BBS12: variants seen among roughly 807,000 people sequenced by gnomAD.
BBS12 encodes the protein Bardet-Biedl syndrome 12, also known as chaperonin-containing T-complex member BBS12.
BBS12 carries 5 observed loss-of-function variants against 5.6 expected under a neutral mutation model. The observed-to-expected ratio is 0.89, with a 90% CI of 0.46 to 1.86. The LOEUF (loss-of-function observed/expected upper bound fraction) is 1.86, where lower values mean the gene tolerates loss of function less well. BBS12 is among the 40% of genes most tolerant of loss of function. The pLI, the probability that BBS12 is intolerant of heterozygous loss-of-function variation, is 0.01. For missense variants in BBS12, 748 were observed against 830.4 expected (o/e 0.90, Z 1.22); for synonymous variants, 308 against 306.8 (o/e 1.00, Z -0.04).
the BBS12 span, among the ~76,000 whole-genome samples, chr4:122,710,456 T>G: frequency 1.3e-5 from 2 of 152,264 alleles, no homozygotes; most frequent in Non-Finnish European, 2.9e-5. Flanking sequence ...CAGTATTTAC[T>G]GGTCCATTGC....
chr4:122,716,992 C>T, the BBS12 span, among the ~76,000 whole-genome samples: 1 of 152,080 alleles, frequency 6.6e-6, no homozygotes, highest in Non-Finnish European at 1.5e-5. Context: ...CAAACCACAC[C>T]CTCACTCACC....
rs1278653583 is a variant in BBS12, at chr4:122,742,321, C to T, written c.429C>T (p.Ser143=). ...PVHNIFDCMD[S]TKTFSQLETF... Reference sequence around the variant, plus strand: ...ACAATATATTTGACTGTATGGACAGCACAAAAACATTTTCTCAACTTGAAA... The same window carrying T: ...ACAATATATTTGACTGTATGGACAGTACAAAAACATTTTCTCAACTTGAAA... Residue 143 remains serine, a synonymous_variant, in exon 2 of 2, where the codon AGC becomes AGT. Transcript: ENST00000314218. The T allele has an allele frequency of 1.2e-6, 2 of 1,613,910 alleles. No homozygotes were observed. Among genetic ancestry groups the T allele is most frequent in the Non-Finnish European group, 1.7e-6 (2 of 1,180,004 alleles).
the BBS12 span, among the ~76,000 whole-genome samples, chr4:122,724,994 C>T: frequency 6.6e-6 from 1 of 152,012 alleles, no homozygotes; most frequent in South Asian, 2.1e-4. Context: ...AATATCCTTT[C>T]TTTTTTTACT....
the BBS12 span, among the ~76,000 whole-genome samples, chr4:122,718,003 G>C: frequency 6.6e-6 from 1 of 152,124 alleles, no homozygotes; most frequent in Admixed American, 6.5e-5. Flanking sequence ...ATGTGATGTT[G>C]AGCTAGTCGT....
In BBS12 at chr4:122,743,917, A is replaced by T. The variant is rs777668577; in HGVS notation, c.2025A>T (p.Arg675=). The change falls in exon 2 of 2, where the codon CGA becomes CGT. Residue 675 remains arginine (R), a synonymous_variant. Transcript: ENST00000314218. ...CACCAAAGATTGAGGCGTGGCGCCG[A>T]GCATTGGATTTAGTATTGTTAGTAC... The part of the protein sequence containing the change: ...VVTPKIEAWR[R]ALDLVLLVLQ... 1 of 1,607,604 alleles carries T rather than the reference A, an allele frequency of 6.2e-7. No homozygotes were observed. The highest frequency in any genetic ancestry group is 8.5e-7 in the Non-Finnish European group (1 of 1,176,868).
the BBS12 span, among the ~76,000 whole-genome samples, chr4:122,722,638 T>G: frequency 1.3e-5 from 2 of 152,192 alleles, no homozygotes; most frequent in East Asian, 3.8e-4. Context: ...GTCCTAAAAT[T>G]TTTATATTTT....
chr4:122,725,897 C>CAAAA, the BBS12 span, among the ~76,000 whole-genome samples: 12 of 52,502 alleles, frequency 2.3e-4, no homozygotes, highest in South Asian at 9.8e-4. Flanking sequence ...GACTCTGTCT[C>CAAAA]AAAAAAAAAA....
At chr4:122,739,336 G>T (rs1446874997) in intron 1 of BBS12, among the ~76,000 whole-genome samples, 1 of 152,264 alleles carries the variant, frequency 6.6e-6, no homozygotes, top group African/African-American at 2.4e-5. Context: ...ATGTTCAGCT[G>T]TTATGGAAAA....
chr4:122,714,554 C>T, the BBS12 span, among the ~76,000 whole-genome samples: 13 of 151,920 alleles, frequency 8.6e-5, no homozygotes, highest in East Asian at 5.8e-4. Flanking sequence ...CTGAGGCGGG[C>T]GCATCACATG....
At chr4:122,715,751 CAGAA>C in the BBS12 span, among the ~76,000 whole-genome samples, 1 of 152,068 alleles carries the variant, frequency 6.6e-6, no homozygotes, top group Non-Finnish European at 1.5e-5. Flanking sequence ...AATAAAAACA[CAGAA>C]AGAAAAAATA....
At chr4:122,741,121 G>A (rs981911424) in intron 1 of BBS12, among the ~76,000 whole-genome samples, 2 of 152,096 alleles carry the variant, frequency 1.3e-5, no homozygotes, top group African/African-American at 4.8e-5. Context: ...AATGCCCTTC[G>A]TAAACCAGCT....
the BBS12 span, among the ~76,000 whole-genome samples, chr4:122,722,521 A>G: frequency 6.6e-6 from 1 of 152,190 alleles, no homozygotes; most frequent in Non-Finnish European, 1.5e-5. Flanking sequence ...GAGACTTCCA[A>G]CCCATGAACA....
the BBS12 span, among the ~76,000 whole-genome samples, chr4:122,705,342 C>T: frequency 6.6e-6 from 1 of 152,158 alleles, no homozygotes; most frequent in Non-Finnish European, 1.5e-5. Flanking sequence ...TGCGGTGGCT[C>T]ATGCGTGTAA....
the BBS12 span, among the ~76,000 whole-genome samples, chr4:122,722,984 T>C: frequency 4.1e-3 from 624 of 152,304 alleles, 2 homozygotes; most frequent in Middle Eastern, 0.014. Context: ...CCTTACGCTG[T>C]TCACAGAAAT....
the BBS12 span, among the ~76,000 whole-genome samples, chr4:122,715,146 T>C: frequency 1.3e-5 from 2 of 151,628 alleles, no homozygotes; most frequent in African/African-American, 4.9e-5. Flanking sequence ...CTAGATAATA[T>C]TTACACACAC....
chr4:122,743,884 C>T lies in BBS12; in HGVS notation c.1992C>T (p.Asp664=), dbSNP rs1553941594. Residue 664 remains aspartate, a synonymous_variant, in exon 2 of 2, where the codon GAC becomes GAT. Transcript: ENST00000314218. ...NKLEQIPRVY[D]VVTPKIEAWR... is the part of the protein sequence containing the mutation. ...TGGAGCAGATTCCGAGAGTTTATGACGTTGTTACACCAAAGATTGAGGCGT... is the reference window on the plus strand; with the variant it reads ...TGGAGCAGATTCCGAGAGTTTATGATGTTGTTACACCAAAGATTGAGGCGT... 15 of 1,603,944 alleles carry T rather than the reference C, an allele frequency of 9.4e-6. No homozygotes were observed. The highest frequency in any genetic ancestry group is 9.0e-5 in the South Asian group (8 of 89,254).
At chr4:122,741,465 A>G (rs1800871412) in intron 1 of BBS12, among the ~76,000 whole-genome samples, 1 of 152,186 alleles carries the variant, frequency 6.6e-6, no homozygotes, top group Non-Finnish European at 1.5e-5. Flanking sequence ...GATTATAGGC[A>G]TGAGCCACTG....
At chr4:122,716,731 ACACACG>A in the BBS12 span, among the ~76,000 whole-genome samples, 3 of 54,400 alleles carry the variant, frequency 5.5e-5, no homozygotes, top group East Asian at 3.1e-3. Context: ...GTATATACAC[ACACACG>A]TGTGTGTGTA....
the BBS12 span, among the ~76,000 whole-genome samples, chr4:122,726,881 C>T: frequency 3.3e-5 from 5 of 152,280 alleles, no homozygotes; most frequent in Admixed American, 3.3e-4. Context: ...TATGTTCTCA[C>T]TCATAAGTGG....
Sources: gnomAD v4.1 joint callset for allele counts (sites outside exome capture counted in the v4.1 genomes callset) on GRCh38, gnomAD v4.1.1 for gene constraint, MANE v1.5 for transcripts, NCBI Gene and HGNC (gene_info 2026-07-23, HGNC 2026-07-21) for gene names.